RAB3IL1: variants seen among roughly 807,000 people sequenced by gnomAD.
RAB3IL1 encodes guanine nucleotide exchange factor for Rab-3A.
RAB3IL1 carries 37 observed loss-of-function variants against 49.2 expected under a neutral mutation model. The observed-to-expected ratio is 0.75, with a 90% confidence interval of 0.58 to 0.99. The LOEUF is 0.99. Ranked by LOEUF, RAB3IL1 falls within the 50% of genes least tolerant of loss-of-function variation. The pLI is 0.00. For missense variants in RAB3IL1, 484 were observed against 513.0 expected, an observed-to-expected ratio of 0.94 and a Z score of 0.55; for synonymous variants, 193 against 213.9, an observed-to-expected ratio of 0.90 and a Z score of 0.85.
In RAB3IL1 at chr11:61,908,277, G is replaced by T. The variant is rs749237172; in HGVS notation, c.41C>A (p.Pro14Gln). 21 of 1,500,636 alleles carry T rather than the reference G, an allele frequency of 1.4e-5. No homozygotes were observed. In the Admixed American group the frequency reaches 4.5e-4, roughly 32 times the overall value. 93.0% of individuals were successfully genotyped at this position (1,500,636 alleles called of 1,614,324 possible). Reference protein sequence around the residue: ...GPPQPDQGLPPPLAAVPVPWK... With the variant: ...GPPQPDQGLPQPLAAVPVPWK... Reference sequence around the variant, plus strand: ...GGGGACCGGGACAGCTGCAAGGGGCGGCGGGAGGCCCTGGTCTGGCTGGGG... The same window carrying T: ...GGGGACCGGGACAGCTGCAAGGGGCTGCGGGAGGCCCTGGTCTGGCTGGGG... Residue 14 changes from proline (P) to glutamine (Q), a missense_variant, in exon 2 of 10, where the codon CCG becomes CAG. By Grantham distance (76) the Pro-to-Gln change is moderately conservative. Transcript: ENST00000394836.
intron 8 of RAB3IL1, 44 bp from the exon 9 acceptor site, chr11:61,899,424 T>TTG (rs1205083564): frequency 6.3e-7 from 1 of 1,579,724 alleles, no homozygotes; most frequent in South Asian, 1.1e-5. Context: ...AGCCCCACGC[T>TTG]GGGGGTCCCC....
intron 1 of RAB3IL1, among the ~76,000 whole-genome samples, chr11:61,915,615 G>A (rs567580036): frequency 3.3e-5 from 5 of 152,172 alleles, no homozygotes; most frequent in East Asian, 1.9e-4. Context: ...AATTCACCCC[G>A]GGCAGGACTG....
chr11:61,906,350 A>G lies in RAB3IL1; in HGVS notation c.657+116T>C. On this transcript the variant is annotated intron_variant, in intron 5 of 9. Transcript: ENST00000394836. The surrounding 1 kb of genome is among the most constrained non-coding windows in gnomAD (Gnocchi z 4.6). ...CAGCCCTCACATCCCAGAGAGGCGC[A>G]GGACAGGCTCCAGGTCACACAGCAT... 1 of 959,214 alleles carries G rather than the reference A, an allele frequency of 1.0e-6. No homozygotes were observed. The highest frequency in any genetic ancestry group is 1.6e-6 in the Non-Finnish European group (1 of 629,186). The allele number at this position is 959,214 out of a possible 1,614,324, so 59.4% of individuals were successfully genotyped here.
At chr11:61,907,798 A>C (rs1939274511) in intron 2 of RAB3IL1, 138 bp from the exon 3 acceptor site, 1 of 921,700 alleles carries the variant, frequency 1.1e-6, no homozygotes, top group East Asian at 2.6e-5. Context: ...GGTGCCTGAC[A>C]GTTTGTGATG....
chr11:61,944,220 C>CTCCTTCCCTCCTTCCT, the RAB3IL1 span, among the ~76,000 whole-genome samples: 7 of 37,074 alleles, frequency 1.9e-4, no homozygotes, highest in African/African-American at 3.5e-4. Context: ...CCTTCCTTCC[C>CTCCTTCCCTCCTTCCT]TCCTTCCTTC....
intron 8 of RAB3IL1, among the ~76,000 whole-genome samples, chr11:61,901,541 AG>A (rs1263912286): frequency 6.6e-6 from 1 of 152,214 alleles, no homozygotes; most frequent in Non-Finnish European, 1.5e-5. Context: ...TGAATGACAG[AG>A]GGGGGCGATG....
At chr11:61,942,281 C>T in the RAB3IL1 span, among the ~76,000 whole-genome samples, 2 of 152,130 alleles carry the variant, frequency 1.3e-5, no homozygotes, top group Non-Finnish European at 1.5e-5. Flanking sequence ...AGAGTCATCA[C>T]CACTCCCTAA....
At chr11:61,912,484 C>T (rs1418460023) in intron 1 of RAB3IL1, among the ~76,000 whole-genome samples, 1 of 152,206 alleles carries the variant, frequency 6.6e-6, no homozygotes, top group Non-Finnish European at 1.5e-5. Flanking sequence ...TGTCAGGTTC[C>T]CAAGCGCTAG....
chr11:61,907,258 G>T, intron 4 of RAB3IL1, 135 bp downstream of exon 4: 1 of 886,204 alleles, frequency 1.1e-6, no homozygotes, highest in Non-Finnish European at 1.8e-6. Flanking sequence ...CCCTCCCTGG[G>T]CCTAGGTTCA....
At chr11:61,917,625 G>A (rs898298105), upstream of RAB3IL1, 5 of 996,714 alleles carry the variant, frequency 5.0e-6, no homozygotes, top group African/African-American at 1.7e-5. Context: ...CCGCCGGCCC[G>A]GCGCTGGGAT....
the RAB3IL1 span, among the ~76,000 whole-genome samples, chr11:61,935,464 C>G: frequency 1.3e-5 from 2 of 151,348 alleles, no homozygotes; most frequent in South Asian, 4.2e-4. Context: ...TGAGGAAGCA[C>G]AGACATTAGA....
rs749117867 is a variant in RAB3IL1 at position 61,907,636 on chromosome 11, A to G, written c.289T>C (p.Cys97Arg). The change falls in exon 3 of 10, where the codon TGT (cysteine) becomes CGT (arginine). Residue 97 changes from cysteine to arginine, a missense_variant. By Grantham distance (180) the Cys-to-Arg change is radical. Coordinates refer to ENST00000394836, the MANE Select transcript of RAB3IL1 (RefSeq NM_013401.4). Reference protein sequence around the residue: ...QKELKLKDEECERLSKVREQL... With the variant: ...QKELKLKDEERERLSKVREQL... ...TCCCGCACCTTGGACAGCCGCTCACATTCCTCGTCCTTTAGCTTCAGCTCC... is the reference window on the plus strand; with the variant it reads ...TCCCGCACCTTGGACAGCCGCTCACGTTCCTCGTCCTTTAGCTTCAGCTCC... 6.2e-7 allele frequency: 1 copy of G among 1,613,874 alleles called. No individual in the cohort carries two copies. The highest frequency in any genetic ancestry group is 2.2e-5 in the East Asian group (1 of 44,826).
chr11:61,904,707 G>A, intron 6 of RAB3IL1, 47 bp downstream of exon 6: 2 of 1,583,870 alleles, frequency 1.3e-6, no homozygotes, highest in Non-Finnish European at 1.7e-6. Context: ...CTGGGCCCTG[G>A]CGGAGGGGTG....
At chr11:61,927,104 A>G in the RAB3IL1 span, among the ~76,000 whole-genome samples, 1 of 152,198 alleles carries the variant, frequency 6.6e-6, no homozygotes, top group Admixed American at 6.5e-5. Context: ...TTGGCCTCCC[A>G]AAGTGCTAGG....
Position 61,898,190 on chromosome 11 carries a change from T to C in RAB3IL1, c.*88A>G. 7.7e-7 allele frequency: 1 copy of C among 1,291,942 alleles called. No individual in the cohort carries two copies. Among genetic ancestry groups the C allele is most frequent in the Admixed American group, 1.8e-5 (1 of 56,576 alleles). The allele number at this position is 1,291,942 out of a possible 1,614,324, so 80.0% of individuals were successfully genotyped here. On this transcript the variant is annotated 3_prime_UTR_variant, in exon 10 of 10. Coordinates refer to ENST00000394836, the MANE Select transcript of RAB3IL1 (RefSeq NM_013401.4). The surrounding 1 kb of genome is among the most constrained non-coding windows in gnomAD (Gnocchi z 5.1). ...ATTCTGCCTCTGGCTCAGGGCTGGC[T>C]CCAGGCCCCCGTCTCCCTGTGTGTC...
At chr11:61,942,338 T>C in the RAB3IL1 span, among the ~76,000 whole-genome samples, 25 of 152,190 alleles carry the variant, frequency 1.6e-4, no homozygotes, top group Admixed American at 5.9e-4. Flanking sequence ...CGCAGGGTCC[T>C]CTGCCTAGGA....
chr11:61,902,741 T>A (rs1317909448), intron 7 of RAB3IL1, among the ~76,000 whole-genome samples, 200 bp from the exon 8 acceptor site: 1 of 152,190 alleles, frequency 6.6e-6, no homozygotes, highest in African/African-American at 2.4e-5. Context: ...GACCTCGAAC[T>A]AAGCTGAGCT....
At chr11:61,923,072 C>G (rs741888), upstream of RAB3IL1, among the ~76,000 whole-genome samples, 41,073 of 152,132 alleles carry the variant, frequency 0.27, 6,970 homozygotes, top group East Asian at 0.65. Flanking sequence ...GCCTCTTGGC[C>G]GGGGGCGGGA....
At position 61,906,555 on chromosome 11, in the gene RAB3IL1, A is replaced by G. The variant is rs143337472; in HGVS notation, c.568T>C (p.Ser190Pro). 5.3e-4 allele frequency: 844 copies of G among 1,587,008 alleles called. 4 individuals carry two copies. In the African/African-American group the frequency reaches 0.01, roughly 19 times the overall value. The stretch of plus-strand genomic sequence containing the variant: ...GTGCTGCTGGTGCTCTTGTGGCGAG[A>G]GTGGCCCTTTCGGGGCCCGGCCTTG... ...PTKAGPRKGH[S>P]RHKSTSSTLC... is the part of the protein sequence containing the mutation. Residue 190 changes from serine (S) to proline (P), a missense_variant, in exon 5 of 10, where the codon TCT (serine) becomes CCT (proline). Coordinates refer to ENST00000394836, the MANE Select transcript of RAB3IL1 (RefSeq NM_013401.4). The surrounding 1 kb of genome is among the most constrained non-coding windows in gnomAD (Gnocchi z 4.6).
Sources: allele counts gnomAD v4.1 joint callset (sites outside exome capture counted in the v4.1 genomes callset), GRCh38; gene constraint gnomAD v4.1.1; non-coding constraint Gnocchi (gnomAD v3.1); transcripts MANE v1.5; gene names NCBI Gene and HGNC (gene_info 2026-07-23, HGNC 2026-07-21).